The following MAF variants were observed in gnomAD, a reference collection of about 807,000 sequenced individuals.
The protein encoded by MAF is MAF bZIP transcription factor.
A neutral mutation model predicts 22.0 loss-of-function variants in MAF; 10 were observed. That is an observed-to-expected ratio of 0.45 (90% CI 0.28 to 0.77). The LOEUF (loss-of-function observed/expected upper bound fraction) is 0.77. Among genes scored for constraint, MAF ranks in the 30% least tolerant of loss-of-function variants. The pLI is 0.12. For missense variants in MAF, 544 were observed against 548.4 expected (o/e 0.99, Z 0.08); for synonymous variants, 337 against 255.8 (o/e 1.32, Z -3.03).
the MAF span, among the ~76,000 whole-genome samples, chr16:79,480,996 T>C: frequency 2.0e-5 from 3 of 152,306 alleles, no homozygotes; most frequent in Admixed American, 1.3e-4. Context: ...GTCCCCTCGC[T>C]CCACTTTACT....
At chr16:79,525,057 A>T in the MAF span, among the ~76,000 whole-genome samples, 4 of 152,224 alleles carry the variant, frequency 2.6e-5, no homozygotes, top group African/African-American at 4.8e-5. Flanking sequence ...GCCAGTGACA[A>T]AATATGCCAT....
chr16:79,562,039 C>G, the MAF span, among the ~76,000 whole-genome samples: 93,906 of 152,000 alleles, frequency 0.62, 29,439 homozygotes, highest in Non-Finnish European at 0.68. Context: ...GCAGCTATTA[C>G]CTCTTGTTGG....
the MAF span, among the ~76,000 whole-genome samples, chr16:79,343,436 A>G: frequency 2.6e-5 from 4 of 152,262 alleles, no homozygotes; most frequent in African/African-American, 7.2e-5. Context: ...TGAAACCCAC[A>G]TCTGTGCAGA....
At chr16:79,204,866 A>G in the MAF span, 5 of 152,328 alleles carry the variant, frequency 3.3e-5, no homozygotes, top group Admixed American at 6.5e-5. Context: ...TCGTTCCTGC[A>G]AATATTTCAC....
At chr16:79,584,802 T>A (rs185740862), downstream of MAF, among the ~76,000 whole-genome samples, 1 of 152,082 alleles carries the variant, frequency 6.6e-6, no homozygotes, top group Non-Finnish European at 1.5e-5. Flanking sequence ...GACTAGAAAA[T>A]AAACAACAAA....
the MAF span, among the ~76,000 whole-genome samples, chr16:79,533,344 T>C: frequency 1.3e-5 from 2 of 152,182 alleles, no homozygotes; most frequent in African/African-American, 2.4e-5. Flanking sequence ...ACCCCACTCC[T>C]TTTCTATTTT....
At chr16:79,418,997 G>A in the MAF span, among the ~76,000 whole-genome samples, 1 of 152,180 alleles carries the variant, frequency 6.6e-6, no homozygotes, top group East Asian at 1.9e-4. Context: ...CTATTTTGTG[G>A]TATGTTAATA....
At chr16:79,471,217 C>A in the MAF span, among the ~76,000 whole-genome samples, 1 of 152,244 alleles carries the variant, frequency 6.6e-6, no homozygotes, top group African/African-American at 2.4e-5. Context: ...TGCTTTACAG[C>A]AGAGCTTCTC....
At chr16:79,528,626 T>C in the MAF span, among the ~76,000 whole-genome samples, 1 of 151,632 alleles carries the variant, frequency 6.6e-6, no homozygotes, top group African/African-American at 2.4e-5. Context: ...ACAGTTTGAC[T>C]TAAGGCTTTG....
the MAF span, chr16:79,211,685 C>G: frequency 1.2e-6 from 2 of 1,614,244 alleles, no homozygotes; most frequent in South Asian, 1.1e-5. Flanking sequence ...ACTTCAACAA[C>G]TGCTGCCGCT....
chr16:79,551,251 T>A, the MAF span, among the ~76,000 whole-genome samples: 1 of 152,108 alleles, frequency 6.6e-6, no homozygotes, highest in Non-Finnish European at 1.5e-5. Context: ...AGACTGTACC[T>A]AGCATCAATG....
At chr16:79,420,705 G>A in the MAF span, among the ~76,000 whole-genome samples, 11 of 152,280 alleles carry the variant, frequency 7.2e-5, no homozygotes, top group African/African-American at 2.4e-4. Context: ...GCGGTGAACC[G>A]CGGCCCACAA....
the MAF span, among the ~76,000 whole-genome samples, chr16:79,565,185 G>A: frequency 3.9e-5 from 6 of 152,080 alleles, no homozygotes; most frequent in African/African-American, 9.7e-5. Context: ...AATCCTCTAC[G>A]TTGCCTCTGC....
the MAF span, among the ~76,000 whole-genome samples, chr16:79,433,155 T>C: frequency 2.6e-5 from 4 of 152,080 alleles, no homozygotes; most frequent in Non-Finnish European, 5.9e-5. Flanking sequence ...ATGAAAGCTG[T>C]GCACCTTAAA....
chr16:79,218,173 G>A, the MAF span, among the ~76,000 whole-genome samples: 1 of 151,928 alleles, frequency 6.6e-6, no homozygotes, highest in East Asian at 1.9e-4. Context: ...TGTATCTATA[G>A]ATGTTATGTT....
the MAF span, among the ~76,000 whole-genome samples, chr16:79,504,442 T>C: frequency 4.6e-5 from 7 of 152,238 alleles, no homozygotes; most frequent in Admixed American, 3.9e-4. Context: ...TCTTTGAGCC[T>C]ATGCTTTCTT....
chr16:79,404,811 G>C, the MAF span, among the ~76,000 whole-genome samples: 6 of 152,240 alleles, frequency 3.9e-5, no homozygotes, highest in Non-Finnish European at 7.4e-5. Context: ...CCACTGAGGG[G>C]TGGCAGCTAA....
chr16:79,339,504 G>A, the MAF span, among the ~76,000 whole-genome samples: 2 of 152,210 alleles, frequency 1.3e-5, no homozygotes, highest in Non-Finnish European at 2.9e-5. Context: ...ATGGAAGAGA[G>A]CCACTCTAAC....
the MAF span, among the ~76,000 whole-genome samples, chr16:79,398,491 G>A: frequency 6.6e-6 from 1 of 152,146 alleles, no homozygotes. Flanking sequence ...CTGCAGAAGA[G>A]GAATGAGAAG....
Sources: allele counts gnomAD v4.1 joint callset (sites outside exome capture counted in the v4.1 genomes callset), GRCh38; gene constraint gnomAD v4.1.1; transcripts MANE v1.5; gene names NCBI Gene and HGNC (gene_info 2026-07-23, HGNC 2026-07-21).